Variants in AFG1L observed in about 807,000 individuals in gnomAD.
The protein encoded by AFG1L is AFG1 like ATPase.
In AFG1L, 53 loss-of-function variants were observed where a neutral mutation model predicts 62.2. The ratio of observed to expected loss-of-function variants is 0.85; its 90% CI spans 0.68 to 1.07. AFG1L has a LOEUF of 1.07. AFG1L is among the 50% of genes least tolerant of loss of function. The probability of loss-of-function intolerance (pLI) is 0.00; values close to 1 mark genes in which losing one functional copy is unlikely to be tolerated. For synonymous variants in AFG1L, 228 were observed against 210.3 expected, an observed-to-expected ratio of 1.08 and a Z score of -0.73; for missense variants, 555 against 590.5, an observed-to-expected ratio of 0.94 and a Z score of 0.62.
intron 7 of AFG1L, among the ~76,000 whole-genome samples, chr6:108,409,212 A>T (rs1406535176): frequency 1.3e-5 from 2 of 152,200 alleles, no homozygotes; most frequent in Non-Finnish European, 2.9e-5. Flanking sequence ...GAGTGATTTA[A>T]ATTTTCTCTT....
intron 6 of AFG1L, among the ~76,000 whole-genome samples, chr6:108,391,512 G>A (rs548452014): frequency 1.3e-5 from 2 of 152,180 alleles, no homozygotes; most frequent in Non-Finnish European, 2.9e-5. Flanking sequence ...TGAGTTCCTT[G>A]TAGATTCTGG....
At chr6:108,409,509 T>C (rs1002042053) in intron 7 of AFG1L, among the ~76,000 whole-genome samples, 5 of 152,154 alleles carry the variant, frequency 3.3e-5, no homozygotes, top group Non-Finnish European at 4.4e-5. Flanking sequence ...GTGATAGATA[T>C]ATTTTGGAGG....
At chr6:108,435,360 T>G (rs1230983908) in intron 7 of AFG1L, among the ~76,000 whole-genome samples, 1 of 152,094 alleles carries the variant, frequency 6.6e-6, no homozygotes, top group Non-Finnish European at 1.5e-5. Context: ...TCTGTGAGGC[T>G]CAAAAATGTC....
In AFG1L at chr6:108,471,104, A is replaced by G. The variant is rs1772873184; in HGVS notation, c.891-5761A>G. Among the ~76,000 whole-genome samples the G allele has an allele frequency of 2.0e-5, 3 of 152,224 alleles. No individual in the cohort carries two copies. In the South Asian group the frequency reaches 6.2e-4, roughly 31 times the overall value. On this transcript the variant is annotated intron_variant, in intron 8 of 12. Coordinates refer to ENST00000368977, the MANE Select transcript of AFG1L (RefSeq NM_145315.5). ...CATGAGGAGGGAGAAATGTGAGGGC[A>G]TGCTGACAGAATCGTTTCAACTCTT...
chr6:108,509,702 T>A (rs1774563343), intron 10 of AFG1L, among the ~76,000 whole-genome samples: 1 of 152,218 alleles, frequency 6.6e-6, no homozygotes, highest in East Asian at 1.9e-4. Flanking sequence ...GGCAACACAG[T>A]GTATGTTATC....
intron 7 of AFG1L, among the ~76,000 whole-genome samples, chr6:108,411,991 C>T (rs571524260): frequency 1.3e-5 from 2 of 152,218 alleles, no homozygotes; most frequent in South Asian, 4.1e-4. Flanking sequence ...TGTTTGAACC[C>T]ATCTCAAAGA....
chr6:108,343,414 A>T (rs1420350483), intron 2 of AFG1L, among the ~76,000 whole-genome samples: 1 of 151,684 alleles, frequency 6.6e-6, no homozygotes, highest in East Asian at 1.9e-4. Flanking sequence ...ATCTTTCTTC[A>T]TTCCTTTTCC....
At chr6:108,407,524 A>T (rs1032571257) in intron 7 of AFG1L, among the ~76,000 whole-genome samples, 3 of 151,876 alleles carry the variant, frequency 2.0e-5, no homozygotes, top group East Asian at 1.9e-4. Flanking sequence ...ACAAAAAAGA[A>T]TTTTTTTTAA....
intron 5 of AFG1L, among the ~76,000 whole-genome samples, 196 bp downstream of exon 5, chr6:108,357,016 GT>G (rs1037510010): frequency 1.1e-4 from 16 of 152,006 alleles, no homozygotes; most frequent in African/African-American, 3.9e-4. Context: ...TGACCTTCCT[GT>G]TTTTTTATGG....
At chr6:108,377,362 G>GT (rs773818732) in intron 6 of AFG1L, among the ~76,000 whole-genome samples, 46 of 152,272 alleles carry the variant, frequency 3.0e-4, no homozygotes, top group Non-Finnish European at 5.9e-4. Flanking sequence ...ACTTAAGTGT[G>GT]TTTTTGTGGT....
At chr6:108,331,912 C>T (rs945993340) in intron 2 of AFG1L, among the ~76,000 whole-genome samples, 5 of 152,140 alleles carry the variant, frequency 3.3e-5, no homozygotes, top group Non-Finnish European at 5.9e-5. Context: ...CACAGAACTC[C>T]TTTCCTTTTT....
intron 2 of AFG1L, among the ~76,000 whole-genome samples, chr6:108,336,904 T>C (rs1778496377): frequency 2.0e-5 from 3 of 152,236 alleles, no homozygotes; most frequent in Admixed American, 2.0e-4. Context: ...ACAAGGACCT[T>C]TTCCTGCATA....
intron 6 of AFG1L, among the ~76,000 whole-genome samples, chr6:108,377,876 G>A (rs1377460329): frequency 6.6e-6 from 1 of 151,508 alleles, no homozygotes; most frequent in Non-Finnish European, 1.5e-5. Context: ...AAGGACTAGG[G>A]AAGTTTTCTT....
chr6:108,441,719 ATATATATATATAAACTGAGTGTTAG>A (rs1276059618), intron 7 of AFG1L, among the ~76,000 whole-genome samples: 172 of 140,200 alleles, frequency 1.2e-3, no homozygotes, highest in African/African-American at 5.1e-3. Context: ...AAAAATATAT[ATATATATATATAAACTGAGTGTTAG>A]TATTTTTCAG....
chr6:108,431,109 C>CT (rs11390296), intron 7 of AFG1L, among the ~76,000 whole-genome samples: 98,018 of 149,184 alleles, frequency 0.66, 33,830 homozygotes, highest in African/African-American at 0.9. Flanking sequence ...TTTATAATTT[C>CT]TTTTTTTTTT....
chr6:108,474,409 A>T (rs975165838), intron 8 of AFG1L, among the ~76,000 whole-genome samples: 1 of 152,180 alleles, frequency 6.6e-6, no homozygotes, highest in Non-Finnish European at 1.5e-5. Context: ...CACTAATGGG[A>T]TTGCTGGGTC....
chr6:108,334,260 C>T (rs549090745), intron 2 of AFG1L, among the ~76,000 whole-genome samples: 13 of 152,288 alleles, frequency 8.5e-5, no homozygotes, highest in Non-Finnish European at 2.9e-5. Context: ...CCACATCAGC[C>T]TCCCAAAGTG....
At chr6:108,505,470 G>A (rs1391026930) in intron 10 of AFG1L, among the ~76,000 whole-genome samples, 1 of 152,080 alleles carries the variant, frequency 6.6e-6, no homozygotes, top group Non-Finnish European at 1.5e-5. Flanking sequence ...GAGGAGACAA[G>A]ACATTGTGAA....
chr6:108,490,877 G>A (rs762589364), intron 10 of AFG1L, among the ~76,000 whole-genome samples: 4 of 152,120 alleles, frequency 2.6e-5, no homozygotes, highest in Non-Finnish European at 4.4e-5. Flanking sequence ...CTCTACTGAC[G>A]GATGCTCAGT....
Sources: allele counts gnomAD v4.1 joint callset (sites outside exome capture counted in the v4.1 genomes callset), GRCh38; gene constraint gnomAD v4.1.1; transcripts MANE v1.5; gene names NCBI Gene and HGNC (gene_info 2026-07-23, HGNC 2026-07-21).